SMARCD1: variants seen among roughly 807,000 people sequenced by gnomAD.
SMARCD1 encodes SWI/SNF related BAF chromatin remodeling complex subunit D1, also known as SWI/SNF-related matrix-associated actin-dependent regulator of chromatin subfamily D member 1.
SMARCD1 carries 16 observed loss-of-function variants against 70.8 expected under a neutral mutation model. The observed-to-expected ratio is 0.23, with a 90% CI of 0.15 to 0.34. The LOEUF (loss-of-function observed/expected upper bound fraction) is 0.34, where lower values mean the gene tolerates loss of function less well. Ranked by LOEUF, SMARCD1 falls within the 10% of genes least tolerant of loss-of-function variation. SMARCD1 has a pLI of 1.00. For missense variants in SMARCD1, 409 were observed against 655.5 expected (o/e 0.62, Z 4.11); for synonymous variants, 249 against 246.0 (o/e 1.01, Z -0.11).
At chr12:50,090,194 T>A in intron 7 of SMARCD1, 47 bp from the exon 8 acceptor site, 1 of 1,549,472 alleles carries the variant, frequency 6.5e-7, no homozygotes, top group Non-Finnish European at 8.8e-7. Context: ...TTGCTGCATA[T>A]AGACGCAGCT....
intron 6 of SMARCD1, chr12:50,089,150 A>C (rs1950818478): frequency 6.6e-6 from 1 of 152,322 alleles, no homozygotes; most frequent in African/African-American, 2.4e-5. Context: ...TTTGAAGCCC[A>C]TGTTAGCAAC....
intron 4 of SMARCD1, 38 bp downstream of exon 4, chr12:50,086,916 A>G: frequency 6.2e-7 from 1 of 1,607,556 alleles, no homozygotes; most frequent in South Asian, 1.1e-5. Context: ...GCCAAAGGAG[A>G]GGACCCAGGA....
chr12:50,088,616 G>A lies in SMARCD1; in HGVS notation c.750G>A (p.Gly250=). The change falls in exon 6 of 13, where the codon GGG becomes GGA. Residue 250 remains glycine, a synonymous_variant. Transcript: ENST00000394963. The stretch of plus-strand genomic sequence containing the variant: ...TTGAACTGGACAAAGACCTGTATGG[G>A]CCAGACAACCATCTGGTAGAAGTGA... ...LVIELDKDLY[G]PDNHLVEWHR... is the part of the protein sequence containing the mutation. 2 of 1,595,862 alleles carry A rather than the reference G, an allele frequency of 1.3e-6. No individual in the cohort carries two copies. The highest frequency in any genetic ancestry group is 1.7e-6 in the Non-Finnish European group (2 of 1,165,236).
At chr12:50,085,928 T>A (rs1950784450) in intron 1 of SMARCD1, 1 of 404,408 alleles carries the variant, frequency 2.5e-6, no homozygotes, top group Non-Finnish European at 4.4e-6. Flanking sequence ...CGATGTCCGA[T>A]GTGTCCCATC....
At chr12:50,087,092 C>T (rs1950798722) in intron 4 of SMARCD1, among the ~76,000 whole-genome samples, 1 of 152,162 alleles carries the variant, frequency 6.6e-6, no homozygotes, top group African/African-American at 2.4e-5. Flanking sequence ...TACAAATATA[C>T]CCTTGTCCAT....
In SMARCD1 at chr12:50,089,943, C is replaced by T. The variant is rs1050727; in HGVS notation, c.831C>T (p.Asp277=). The T allele has an allele frequency of 7.4e-6, 12 of 1,613,978 alleles. No individual in the cohort carries two copies. The highest frequency in any genetic ancestry group is 4.0e-5 in the African/African-American group (3 of 74,892). The change falls in exon 7 of 13, where the codon GAC becomes GAT. Residue 277 remains aspartate, a synonymous_variant. Coordinates refer to ENST00000394963, the MANE Select transcript of SMARCD1 (RefSeq NM_003076.5). ...GCTTTCAGGTGAAGCGGCCGGGAGA[C>T]GTGAATGTACGGTGTACTGTCCTAC... is the stretch of plus-strand genomic sequence containing the variant. ...TDGFQVKRPG[D]VNVRCTVLLM... is the part of the protein sequence containing the mutation.
rs1178058315 is a variant in SMARCD1, at chr12:50,099,181, C to T, written c.*181C>T. 2 of 632,348 alleles carry T rather than the reference C, an allele frequency of 3.2e-6. No individual in the cohort carries two copies. Among genetic ancestry groups the T allele is most frequent in the African/African-American group, 3.7e-5 (2 of 54,602 alleles). The allele number at this position is 632,348 out of a possible 1,614,324, so 39.2% of individuals were successfully genotyped here. A position where few individuals can be genotyped will look rare whatever the true frequency, so the allele number is the denominator to read the frequency against. ...CTGTTATCCTCTTCTTTCACCCTATCTCTTCCCACCCCCAGCTTCCCTTTG... is the reference window on the plus strand; with the variant it reads ...CTGTTATCCTCTTCTTTCACCCTATTTCTTCCCACCCCCAGCTTCCCTTTG... On this transcript the variant is annotated 3_prime_UTR_variant, in exon 13 of 13. Transcript: ENST00000394963.
chr12:50,091,618 C>T (rs1950844478), intron 9 of SMARCD1, among the ~76,000 whole-genome samples: 1 of 149,574 alleles, frequency 6.7e-6, no homozygotes, highest in Admixed American at 6.7e-5. Flanking sequence ...CTCTTGTTGC[C>T]CAGGCTGGTG....
chr12:50,088,246 A>G (rs113632567), intron 5 of SMARCD1: 50 of 702,232 alleles, frequency 7.1e-5, no homozygotes, highest in African/African-American at 4.2e-4. Flanking sequence ...GTTATGTGCA[A>G]TGGTTTGCTT....
rs770973631 is a variant in SMARCD1 at position 50,098,833 on chromosome 12, A to G, written c.1494+18A>G. 1.9e-5 allele frequency: 31 copies of G among 1,611,000 alleles called. No homozygotes were observed. In the Admixed American group the frequency reaches 5.0e-4, roughly 26 times the overall value. On this transcript the variant is annotated intron_variant, in intron 12 of 12. Coordinates refer to ENST00000394963, the MANE Select transcript of SMARCD1 (RefSeq NM_003076.5). ...ACTCCAAGGTAAGTACATGGGGTGC[A>G]CGGGGGAAATTGACAAAAGGCACGG...
chr12:50,085,595 G>A, intron 1 of SMARCD1, 49 bp downstream of exon 1: 2 of 1,214,222 alleles, frequency 1.6e-6, no homozygotes, highest in Non-Finnish European at 2.1e-6. Flanking sequence ...GGGGCCGAGC[G>A]GGGACATGGG....
At chr12:50,093,943 CTAGTTTTTAG>C (rs1334723511) in intron 9 of SMARCD1, among the ~76,000 whole-genome samples, 10 of 151,970 alleles carry the variant, frequency 6.6e-5, no homozygotes, top group African/African-American at 2.2e-4. Context: ...CCACGTCCGG[CTAGTTTTTAG>C]TAGAAATGGG....
At chr12:50,086,490 G>GGTGGTGGTGGTGGTGGTGGTT (rs1950792097) in intron 2 of SMARCD1, 131 bp from the exon 3 acceptor site, 1 of 721,780 alleles carries the variant, frequency 1.4e-6, no homozygotes, top group Admixed American at 4.1e-5. Flanking sequence ...TGGTGGTGGT[G>GGTGGTGGTGGTGGTGGTGGTT]GTGGTGGTGG....
chr12:50,094,619 C>A, intron 10 of SMARCD1, 47 bp downstream of exon 10: 1 of 1,577,368 alleles, frequency 6.3e-7, no homozygotes, highest in Non-Finnish European at 8.7e-7. Flanking sequence ...GCCCCTATCA[C>A]AGCTTCAAGG....
At chr12:50,094,142 C>T (rs573673889) in intron 9 of SMARCD1, among the ~76,000 whole-genome samples, 1 of 152,224 alleles carries the variant, frequency 6.6e-6, no homozygotes, top group Non-Finnish European at 1.5e-5. Flanking sequence ...CACAGGATAC[C>T]TTTTGTACTG....
chr12:50,091,915 C>CCCAAAGAT (rs1950847254), intron 9 of SMARCD1, among the ~76,000 whole-genome samples: 1 of 152,140 alleles, frequency 6.6e-6, no homozygotes, highest in Admixed American at 6.5e-5. Context: ...TCAGCAAATG[C>CCCAAAGAT]CACACATCTG....
intron 10 of SMARCD1, among the ~76,000 whole-genome samples, chr12:50,095,089 C>T (rs1177435371): frequency 3.9e-5 from 6 of 152,220 alleles, no homozygotes; most frequent in Non-Finnish European, 8.8e-5. Context: ...TGAGCCACCA[C>T]GCCCAGCCCA....
intron 11 of SMARCD1, among the ~76,000 whole-genome samples, chr12:50,098,130 T>G (rs1950909314): frequency 6.6e-6 from 1 of 152,134 alleles, no homozygotes; most frequent in Non-Finnish European, 1.5e-5. Flanking sequence ...TTAGAGAGGC[T>G]GAGCAGAGGA....
chr12:50,089,085 A>C (rs1440174005), intron 6 of SMARCD1: 1 of 152,668 alleles, frequency 6.6e-6, no homozygotes, highest in African/African-American at 2.4e-5. Flanking sequence ...CTCTGTTTAC[A>C]TTTACATTCC....
Sources: gnomAD v4.1 joint callset for allele counts (sites outside exome capture counted in the v4.1 genomes callset) on GRCh38, gnomAD v4.1.1 for gene constraint, MANE v1.5 for transcripts, NCBI Gene and HGNC (gene_info 2026-07-23, HGNC 2026-07-21) for gene names.